Variants in SLC44A5 observed in about 807,000 individuals in gnomAD.
SLC44A5 encodes solute carrier family 44 member 5.
Under a neutral mutation model 101.8 loss-of-function variants are expected in SLC44A5, and 57 were observed. The observed-to-expected ratio is 0.56, with a 90% CI of 0.45 to 0.70. SLC44A5 has a LOEUF of 0.70. Among genes scored for constraint, SLC44A5 ranks in the 30% least tolerant of loss-of-function variants. The pLI is 0.00. For synonymous variants in SLC44A5, 281 were observed against 290.9 expected, an observed-to-expected ratio of 0.97 and a Z score of 0.35; for missense variants, 737 against 853.1, an observed-to-expected ratio of 0.86 and a Z score of 1.70.
intron 3 of SLC44A5, among the ~76,000 whole-genome samples, chr1:75,394,504 C>A (rs1662002431): frequency 6.6e-6 from 1 of 151,964 alleles, no homozygotes; most frequent in Non-Finnish European, 1.5e-5. Context: ...GGGATAATTG[C>A]AAGAGCAAAG....
chr1:75,537,025 A>AC (rs1437539277), intron 2 of SLC44A5, among the ~76,000 whole-genome samples: 1 of 27,610 alleles, frequency 3.6e-5, no homozygotes, highest in East Asian at 7.8e-3. Flanking sequence ...AAAAAAAAAA[A>AC]AAAAAAAAAT....
chr1:75,330,106 T>TACACAC (rs59962302), intron 4 of SLC44A5, among the ~76,000 whole-genome samples: 11 of 128,580 alleles, frequency 8.6e-5, no homozygotes, highest in South Asian at 2.6e-4. Context: ...TATATATATA[T>TACACAC]ACACACACAC....
the SLC44A5 span, among the ~76,000 whole-genome samples, chr1:75,680,943 C>A: frequency 1.3e-5 from 2 of 149,676 alleles, no homozygotes; most frequent in African/African-American, 4.9e-5. Flanking sequence ...ACCACCGAAC[C>A]CACAGAAATA....
At chr1:75,628,650 G>A in the SLC44A5 span, among the ~76,000 whole-genome samples, 1 of 152,040 alleles carries the variant, frequency 6.6e-6, no homozygotes, top group African/African-American at 2.4e-5. Context: ...AAAGTAAATA[G>A]CATTCAAACA....
intron 2 of SLC44A5, among the ~76,000 whole-genome samples, chr1:75,533,479 C>T (rs72988784): frequency 0.027 from 4,126 of 152,132 alleles, 227 homozygotes; most frequent in African/African-American, 0.095. Flanking sequence ...AAATATCTGA[C>T]AAATAGAGCC....
At position 75,219,361 on chromosome 1, in the gene SLC44A5, A is replaced by G. The variant is rs1200221478; in HGVS notation, c.1179-17T>C. 1.9e-6 allele frequency: 3 copies of G among 1,551,330 alleles called. No homozygotes were observed. Among genetic ancestry groups the G allele is most frequent in the Non-Finnish European group, 2.7e-6 (3 of 1,122,912 alleles). Reference sequence around the variant, plus strand: ...GCCAAGAAACTGAATAAACTCCATTAAGGATAAACCATTTGCTGGTAGATT... The same window carrying G: ...GCCAAGAAACTGAATAAACTCCATTGAGGATAAACCATTTGCTGGTAGATT... On this transcript the variant is annotated splice_polypyrimidine_tract_variant and intron_variant, in intron 15 of 23. Coordinates refer to ENST00000370859, the MANE Select transcript of SLC44A5 (RefSeq NM_001130058.2).
At chr1:75,338,544 T>C (rs894280778) in intron 4 of SLC44A5, among the ~76,000 whole-genome samples, 3 of 152,178 alleles carry the variant, frequency 2.0e-5, no homozygotes, top group Non-Finnish European at 2.9e-5. Flanking sequence ...GTAATCATAG[T>C]AAAAGTAGCC....
In SLC44A5 at chr1:75,367,946, G is replaced by A. The variant is rs533052900; in HGVS notation, c.53-28316C>T. Among the ~76,000 whole-genome samples, 27 of 152,270 alleles carry A rather than the reference G, an allele frequency of 1.8e-4. No homozygotes were observed. The South Asian group carries it at 3.9e-3, about 22-fold the overall frequency. On this transcript the variant is annotated intron_variant, in intron 3 of 23. Transcript: ENST00000370859. ...CCTCCCATGCCACCAAATCGCTGAC[G>A]TCACCCCTGTGTTGCATTTTTATAC...
chr1:75,583,084 G>T (rs1673789595), intron 1 of SLC44A5, among the ~76,000 whole-genome samples: 1 of 152,100 alleles, frequency 6.6e-6, no homozygotes, highest in African/African-American at 2.4e-5. Flanking sequence ...TACTTGATTT[G>T]GAACGTCCCC....
intron 23 of SLC44A5, among the ~76,000 whole-genome samples, chr1:75,207,199 C>T (rs1309141484): frequency 6.6e-6 from 1 of 152,154 alleles, no homozygotes; most frequent in Non-Finnish European, 1.5e-5. Context: ...GGATATAAAA[C>T]AACTCGCTGA....
At chr1:75,693,482 A>G in the SLC44A5 span, among the ~76,000 whole-genome samples, 1 of 152,140 alleles carries the variant, frequency 6.6e-6, no homozygotes, top group Non-Finnish European at 1.5e-5. Context: ...TCTATCCCCT[A>G]CCCCATAGAA....
chr1:75,604,861 T>C lies in SLC44A5; in HGVS notation c.-70+6179A>G, dbSNP rs373385646. 3.3e-5 allele frequency among the ~76,000 whole-genome samples: 5 copies of C among 152,058 alleles called. No individual in the cohort carries two copies. In the East Asian group the frequency reaches 7.7e-4, roughly 23 times the overall value. ...AGATATGGTACTGATTTTTGTACATTGATTTTGTATCCTGACACTTTACTG... is the reference window on the plus strand; with the variant it reads ...AGATATGGTACTGATTTTTGTACATCGATTTTGTATCCTGACACTTTACTG... On this transcript the variant is annotated intron_variant, in intron 1 of 23. Coordinates refer to ENST00000370859, the MANE Select transcript of SLC44A5 (RefSeq NM_001130058.2).
chr1:75,338,829 G>A (rs893091162), intron 4 of SLC44A5, among the ~76,000 whole-genome samples: 5 of 152,118 alleles, frequency 3.3e-5, no homozygotes, highest in African/African-American at 1.2e-4. Flanking sequence ...CATGCTGATC[G>A]CTAGTTCACA....
At chr1:75,657,615 G>A in the SLC44A5 span, among the ~76,000 whole-genome samples, 1 of 150,370 alleles carries the variant, frequency 6.7e-6, no homozygotes, top group African/African-American at 2.4e-5. Flanking sequence ...TAAAAAGCAA[G>A]AATAGCTATA....
At chr1:75,659,469 G>T in the SLC44A5 span, among the ~76,000 whole-genome samples, 1 of 60,304 alleles carries the variant, frequency 1.7e-5, no homozygotes, top group African/African-American at 7.5e-5. Context: ...AGGAAGGAAG[G>T]AAGGAAGGAA....
At chr1:75,264,068 G>A (rs1386396268) in intron 6 of SLC44A5, among the ~76,000 whole-genome samples, 2 of 149,402 alleles carry the variant, frequency 1.3e-5, no homozygotes, top group Non-Finnish European at 3.0e-5. Flanking sequence ...ACCATGGCAC[G>A]TGTATACCTA....
chr1:75,643,673 A>T, the SLC44A5 span, among the ~76,000 whole-genome samples: 14,184 of 152,220 alleles, frequency 0.093, 865 homozygotes, highest in East Asian at 0.25. Flanking sequence ...GTCTCACAAG[A>T]TCCCATTGTT....
the SLC44A5 span, among the ~76,000 whole-genome samples, chr1:75,624,223 C>T: frequency 6.6e-6 from 1 of 152,004 alleles, no homozygotes; most frequent in East Asian, 1.9e-4. Context: ...ATGTGTAAGT[C>T]CATAGTGATA....
At chr1:75,559,481 T>C (rs1175745062) in intron 1 of SLC44A5, among the ~76,000 whole-genome samples, 1 of 152,142 alleles carries the variant, frequency 6.6e-6, no homozygotes, top group Non-Finnish European at 1.5e-5. Flanking sequence ...GATAGTTCAC[T>C]TGGAAGCACT....
Sources: gnomAD v4.1 joint callset for allele counts (sites outside exome capture counted in the v4.1 genomes callset) on GRCh38, gnomAD v4.1.1 for gene constraint, MANE v1.5 for transcripts, NCBI Gene and HGNC (gene_info 2026-07-23, HGNC 2026-07-21) for gene names.